Variants in CHFR observed in about 807,000 individuals in gnomAD.
CHFR encodes the protein checkpoint with forkhead and ring finger domains.
In CHFR, 57 loss-of-function variants were observed where a neutral mutation model predicts 87.6. The ratio of observed to expected loss-of-function variants is 0.65; its 90% confidence interval spans 0.53 to 0.81. The LOEUF (loss-of-function observed/expected upper bound fraction) is 0.81, where lower values mean the gene tolerates loss of function less well. Ranked by LOEUF, CHFR falls within the 30% of genes least tolerant of loss-of-function variation. The pLI is 0.00. For synonymous variants in CHFR, 381 were observed against 359.2 expected (o/e 1.06, Z -0.69); for missense variants, 797 against 865.8 (o/e 0.92, Z 1.00).
At chr12:132,849,778 TG>T (rs924888971) in intron 12 of CHFR, 1 of 151,534 alleles carries the variant, frequency 6.6e-6, no homozygotes, top group Non-Finnish European at 1.5e-5. Context: ...TTAGTAAAGA[TG>T]GGGTCTCACC....
chr12:132,876,685 G>A (rs529282512), intron 3 of CHFR, among the ~76,000 whole-genome samples: 1 of 152,300 alleles, frequency 6.6e-6, no homozygotes, highest in African/African-American at 2.4e-5. Flanking sequence ...CATTCAAGAA[G>A]GGTCATAGAC....
intron 4 of CHFR, chr12:132,872,061 T>C (rs1944116792): frequency 2.1e-6 from 1 of 478,774 alleles, no homozygotes; most frequent in African/African-American, 2.0e-5. Flanking sequence ...TGGCTGCTCA[T>C]GGCCACAGTG....
In CHFR at chr12:132,844,097, G is replaced by A. The variant is rs1442480016; in HGVS notation, c.1773C>T (p.Cys591=). 6.2e-7 allele frequency: 1 copy of A among 1,613,772 alleles called. No individual in the cohort carries two copies. The highest frequency in any genetic ancestry group is 1.1e-5 in the South Asian group (1 of 91,076). ...RVTGDTVLCY[C]CGLRSFRELT... is the part of the protein sequence containing the mutation. Reference sequence around the variant, plus strand: ...GCTCACGGAAGCTGCGCAGGCCACAGCAGTAACACAGAACGGTGTCTCCCG... The same window carrying A: ...GCTCACGGAAGCTGCGCAGGCCACAACAGTAACACAGAACGGTGTCTCCCG... Residue 591 remains cysteine, a synonymous_variant, in exon 16 of 18, where the codon TGC becomes TGT. Transcript: ENST00000450056.
chr12:132,869,356 C>A (rs185196528), intron 6 of CHFR, among the ~76,000 whole-genome samples: 2 of 152,216 alleles, frequency 1.3e-5, no homozygotes, highest in African/African-American at 4.8e-5. Context: ...GAAATGTACA[C>A]TTCGGCTGGA....
intron 15 of CHFR, among the ~76,000 whole-genome samples, chr12:132,846,429 A>C (rs1373253673): frequency 6.6e-6 from 1 of 151,726 alleles, no homozygotes; most frequent in Admixed American, 6.6e-5. Context: ...CGCCCGGCTA[A>C]TTTTTTGTAT....
intron 3 of CHFR, 78 bp downstream of exon 3, chr12:132,877,477 G>T: frequency 1.1e-6 from 1 of 882,198 alleles, no homozygotes; most frequent in Non-Finnish European, 1.7e-6. Flanking sequence ...CCTCAGCCGT[G>T]GCACACAGCA....
chr12:132,846,983 G>A (rs1003693287), intron 15 of CHFR, 60 bp downstream of exon 15: 31 of 1,235,838 alleles, frequency 2.5e-5, no homozygotes, highest in Middle Eastern at 2.4e-4. Flanking sequence ...GAGCAGACAC[G>A]CAGGCACAGC....
At chr12:132,875,906 G>T (rs141515753) in intron 3 of CHFR, among the ~76,000 whole-genome samples, 289 of 152,278 alleles carry the variant, frequency 1.9e-3, no homozygotes, top group African/African-American at 6.3e-3. Context: ...CGGGCGCGAT[G>T]GCTCACGCCT....
Position 132,834,385 on chromosome 12 carries a change from AC to A in CHFR, c.*7168del, listed in dbSNP as rs1790299030. ...TCCAACCACAGCACCTCTGAGACAG[AC>A]TGGACCCTTCCTGAAAACAAAAACC... On this transcript the variant is annotated 3_prime_UTR_variant, in exon 18 of 18. Coordinates refer to ENST00000450056, the MANE Select transcript of CHFR (RefSeq NM_001161346.2). 6.6e-6 allele frequency: 1 copy of A among 152,390 alleles called. No individual in the cohort carries two copies. The allele number at this position is 152,390 out of a possible 1,614,324, so 9.4% of individuals were successfully genotyped here. A position where few individuals can be genotyped will look rare whatever the true frequency, so the allele number is the denominator to read the frequency against.
intron 2 of CHFR, among the ~76,000 whole-genome samples, chr12:132,879,188 T>C (rs1274377606): frequency 2.0e-5 from 3 of 151,468 alleles, no homozygotes; most frequent in Middle Eastern, 3.4e-3. Flanking sequence ...GTATTTTTAG[T>C]AGAGACGGGG....
At chr12:132,886,688 T>C (rs1156335557) in intron 2 of CHFR, among the ~76,000 whole-genome samples, 1 of 152,240 alleles carries the variant, frequency 6.6e-6, no homozygotes. Context: ...CTTGAGATCT[T>C]TTTTAATATA....
At position 132,841,361 on chromosome 12, in the gene CHFR, C is replaced by A. The variant is rs576945941; in HGVS notation, c.*193G>T. 2.6e-4 allele frequency: 147 copies of A among 573,228 alleles called. No individual in the cohort carries two copies. The highest frequency in any genetic ancestry group is 2.5e-3 in the African/African-American group (132 of 53,074). The allele number at this position is 573,228 out of a possible 1,614,324, so 35.5% of individuals were successfully genotyped here. A position where few individuals can be genotyped will look rare whatever the true frequency, so the allele number is the denominator to read the frequency against. On this transcript the variant is annotated 3_prime_UTR_variant, in exon 18 of 18. Coordinates refer to ENST00000450056, the MANE Select transcript of CHFR (RefSeq NM_001161346.2). ...CGCTCACCAGGAGGGCGGGCTGCGG[C>A]CCCCGGGGCTCTGGGGAGGGTCTCA...
chr12:132,843,138 GCTAC>G, intron 16 of CHFR, 55 bp from the exon 17 acceptor site: 1 of 1,509,506 alleles, frequency 6.6e-7, no homozygotes, highest in Non-Finnish European at 9.1e-7. Flanking sequence ...CACCCACTCA[GCTAC>G]CTGAATCCCA....
In CHFR at chr12:132,847,331, C is replaced by T; in HGVS notation, c.1648-201G>A. 3.0e-6 allele frequency: 4 copies of T among 1,335,252 alleles called. No individual in the cohort carries two copies. In the South Asian group the frequency reaches 6.2e-5, roughly 21 times the overall value. 82.7% of individuals were successfully genotyped at this position (1,335,252 alleles called of 1,614,324 possible). On this transcript the variant is annotated intron_variant, in intron 14 of 17. Coordinates refer to ENST00000450056, the MANE Select transcript of CHFR (RefSeq NM_001161346.2). ...TTGTCCAAGAGCCTCCTGGAAGTCC[C>T]AAAAGGTTCCAGTGTAACAGTTACC...
In CHFR at chr12:132,856,522, C is replaced by T. The variant is rs1315657949; in HGVS notation, c.1175G>A (p.Ser392Asn). 1 of 1,614,126 alleles carries T rather than the reference C, an allele frequency of 6.2e-7. No homozygotes were observed. Among genetic ancestry groups the T allele is most frequent in the Non-Finnish European group, 8.5e-7 (1 of 1,180,052 alleles). ...TGACAGCTCCAGCAGGTCCTCTGAA[C>T]TCCCTTCTTCATCAGAAAAAGACCG... ...VRRSFSDEEG[S>N]SEDLLELSDV... Residue 392 changes from serine (S) to asparagine (N), a missense_variant, in exon 10 of 18, where the codon AGT (serine) becomes AAT (asparagine). Transcript: ENST00000450056.
At chr12:132,877,691 C>T (rs745853838) in intron 2 of CHFR, 37 bp from the exon 3 acceptor site, 9 of 1,416,374 alleles carry the variant, frequency 6.4e-6, no homozygotes, top group Admixed American at 1.7e-5. Flanking sequence ...GGGATATGAT[C>T]GTGGTAACTG....
Position 132,869,645 on chromosome 12 carries a change from G to A in CHFR, c.557C>T (p.Ala186Val). 6.4e-7 allele frequency: 1 copy of A among 1,551,658 alleles called. No homozygotes were observed. The highest frequency in any genetic ancestry group is 8.7e-7 in the Non-Finnish European group (1 of 1,146,976). ...ACAACTGGAGGAACGCTCTCGCCCT[G>A]CAGGAGAAGGCTCCGTGGAAGAGGC... ...ASASSTEPSP[A>V]GRERSSSCGS... Residue 186 changes from alanine to valine, a missense_variant, in exon 6 of 18, where the codon GCA becomes GTA. Coordinates refer to ENST00000450056, the MANE Select transcript of CHFR (RefSeq NM_001161346.2).
intron 15 of CHFR, among the ~76,000 whole-genome samples, chr12:132,846,473 T>C (rs1252109766): frequency 1.3e-5 from 2 of 151,942 alleles, no homozygotes; most frequent in Admixed American, 1.3e-4. Context: ...GGTTTTACCG[T>C]GTTAGCCAGG....
chr12:132,873,681 G>A (rs1332030804), intron 3 of CHFR, among the ~76,000 whole-genome samples: 1 of 135,578 alleles, frequency 7.4e-6, no homozygotes, highest in Non-Finnish European at 1.6e-5. Flanking sequence ...ATGCAGGGGC[G>A]CTGGAGCTGG....
Sources: gnomAD v4.1 joint callset for allele counts (sites outside exome capture counted in the v4.1 genomes callset) on GRCh38, gnomAD v4.1.1 for gene constraint, MANE v1.5 for transcripts, NCBI Gene and HGNC (gene_info 2026-07-23, HGNC 2026-07-21) for gene names.